Variants in MARCHF1 observed in about 807,000 individuals in gnomAD.
MARCHF1 encodes E3 ubiquitin-protein ligase MARCHF1.
MARCHF1 carries 40 observed loss-of-function variants against 54.2 expected under a neutral mutation model. The observed-to-expected ratio is 0.74, with a 90% CI of 0.57 to 0.96. The LOEUF (loss-of-function observed/expected upper bound fraction) is 0.96. Among genes scored for constraint, MARCHF1 ranks in the 40% least tolerant of loss-of-function variants. The pLI is 0.00. For synonymous variants in MARCHF1, 236 were observed against 236.3 expected (o/e 1.00, Z 0.01); for missense variants, 586 against 656.5 (o/e 0.89, Z 1.17).
intron 5 of MARCHF1, among the ~76,000 whole-genome samples, chr4:163,651,525 C>CTT (rs66848288): frequency 0.031 from 4,000 of 130,876 alleles, 218 homozygotes; most frequent in African/African-American, 0.11. Flanking sequence ...AAGTACCATA[C>CTT]TTTTTTTTTT....
chr4:163,650,866 G>A (rs545731375), intron 5 of MARCHF1, among the ~76,000 whole-genome samples: 8 of 151,972 alleles, frequency 5.3e-5, no homozygotes, highest in African/African-American at 1.4e-4. Context: ...TGTTGTCGTC[G>A]TAGAAAGAAG....
chr4:163,883,145 T>A (rs1750453069), intron 3 of MARCHF1, among the ~76,000 whole-genome samples: 2 of 152,058 alleles, frequency 1.3e-5, no homozygotes, highest in Admixed American at 1.3e-4. Flanking sequence ...TAACATTTGT[T>A]CCTGCCTGTA....
intron 1 of MARCHF1, among the ~76,000 whole-genome samples, chr4:164,285,570 G>C (rs1031894757): frequency 1.1e-4 from 17 of 151,872 alleles, no homozygotes; most frequent in South Asian, 1.0e-3. Context: ...AGCCTCACGA[G>C]TAGCTAGGAC....
At chr4:163,532,793 C>T (rs1738396114) in intron 9 of MARCHF1, among the ~76,000 whole-genome samples, 1 of 151,834 alleles carries the variant, frequency 6.6e-6, no homozygotes, top group Non-Finnish European at 1.5e-5. Context: ...GAGAATTGCA[C>T]ATTAAAACAA....
At chr4:164,100,682 C>G (rs965659940) in intron 2 of MARCHF1, among the ~76,000 whole-genome samples, 1 of 152,200 alleles carries the variant, frequency 6.6e-6, no homozygotes, top group Non-Finnish European at 1.5e-5. Context: ...GTTGTCTCCC[C>G]TAAAACTCCT....
chr4:164,206,275 A>G (rs529327580), intron 1 of MARCHF1, among the ~76,000 whole-genome samples: 1 of 152,258 alleles, frequency 6.6e-6, no homozygotes, highest in African/African-American at 2.4e-5. Context: ...CGTCTCTACT[A>G]AAAATACAAA....
chr4:163,960,597 C>G (rs2110809605), intron 3 of MARCHF1, among the ~76,000 whole-genome samples: 1 of 151,848 alleles, frequency 6.6e-6, no homozygotes, highest in Admixed American at 6.6e-5. Flanking sequence ...TAAGTGGGAG[C>G]TAAATGATGG....
At chr4:164,029,272 A>G (rs760356535) in intron 2 of MARCHF1, among the ~76,000 whole-genome samples, 6 of 152,140 alleles carry the variant, frequency 3.9e-5, no homozygotes, top group Non-Finnish European at 8.8e-5. Context: ...GGAACTTACA[A>G]TCACGGAGGA....
At chr4:164,195,578 T>C (rs1344587587) in intron 1 of MARCHF1, among the ~76,000 whole-genome samples, 1 of 152,216 alleles carries the variant, frequency 6.6e-6, no homozygotes, top group Non-Finnish European at 1.5e-5. Context: ...GCCCTCATTC[T>C]AGCTCTATGA....
intron 4 of MARCHF1, among the ~76,000 whole-genome samples, chr4:163,766,996 G>A (rs1385928164): frequency 6.7e-6 from 1 of 150,080 alleles, no homozygotes; most frequent in African/African-American, 2.5e-5. Context: ...ATTACTATAG[G>A]CCAAGCATTA....
intron 3 of MARCHF1, among the ~76,000 whole-genome samples, chr4:163,979,701 A>C (rs1752722440): frequency 6.6e-6 from 1 of 152,020 alleles, no homozygotes; most frequent in South Asian, 2.1e-4. Flanking sequence ...CTGACTTTTT[A>C]ATGATTGCCA....
intron 4 of MARCHF1, among the ~76,000 whole-genome samples, chr4:163,743,239 T>C (rs140851498): frequency 1.9e-4 from 29 of 152,304 alleles, no homozygotes; most frequent in African/African-American, 6.5e-4. Flanking sequence ...AAAAAAAGAT[T>C]ATAAAATTAT....
intron 1 of MARCHF1, among the ~76,000 whole-genome samples, chr4:164,313,669 T>C (rs1734926125): frequency 6.6e-6 from 1 of 152,034 alleles, no homozygotes; most frequent in South Asian, 2.1e-4. Flanking sequence ...CTTAAAGCAT[T>C]TTAAAAGAAA....
chr4:164,143,478 C>T (rs1756603111), intron 1 of MARCHF1, among the ~76,000 whole-genome samples: 2 of 150,872 alleles, frequency 1.3e-5, no homozygotes, highest in African/African-American at 4.9e-5. Context: ...GATCTCTCGG[C>T]AGAAACTCTA....
intron 5 of MARCHF1, among the ~76,000 whole-genome samples, chr4:163,676,530 G>A (rs938585215): frequency 6.6e-5 from 10 of 152,058 alleles, no homozygotes; most frequent in African/African-American, 2.2e-4. Flanking sequence ...GAGGATTGCT[G>A]GAGGCCAAGA....
At chr4:164,141,950 G>C (rs865925567) in intron 1 of MARCHF1, among the ~76,000 whole-genome samples, 4 of 151,400 alleles carry the variant, frequency 2.6e-5, no homozygotes, top group African/African-American at 9.7e-5. Context: ...GTGGGCGCAG[G>C]TCAGTGGGTG....
At chr4:163,591,285 C>T (rs1350395133) in intron 7 of MARCHF1, among the ~76,000 whole-genome samples, 1 of 151,722 alleles carries the variant, frequency 6.6e-6, no homozygotes, top group Non-Finnish European at 1.5e-5. Flanking sequence ...CCTTTGACAC[C>T]TTCCCTCTTT....
chr4:164,052,156 G>C (rs199979522), intron 2 of MARCHF1, among the ~76,000 whole-genome samples: 158 of 113,324 alleles, frequency 1.4e-3, no homozygotes, highest in Middle Eastern at 5.0e-3. Flanking sequence ...TGTTTTTTTT[G>C]TATTTTTTAA....
At chr4:164,169,619 A>T (rs1469681025) in intron 1 of MARCHF1, among the ~76,000 whole-genome samples, 2 of 152,134 alleles carry the variant, frequency 1.3e-5, no homozygotes, top group Non-Finnish European at 2.9e-5. Flanking sequence ...AAAGAGAAAT[A>T]TATGTTTTTT....
Sources: gnomAD v4.1 joint callset for allele counts (sites outside exome capture counted in the v4.1 genomes callset) on GRCh38, gnomAD v4.1.1 for gene constraint, MANE v1.5 for transcripts, NCBI Gene and HGNC (gene_info 2026-07-23, HGNC 2026-07-21) for gene names.